Variants in LRMDA observed in about 807,000 individuals in gnomAD.
LRMDA encodes leucine-rich melanocyte differentiation-associated protein.
In LRMDA, 18 loss-of-function variants were observed where a neutral mutation model predicts 29.8. The ratio of observed to expected loss-of-function variants is 0.60; its 90% CI spans 0.42 to 0.90. The LOEUF (loss-of-function observed/expected upper bound fraction) is 0.90. LRMDA is among the 40% of genes least tolerant of loss of function. LRMDA has a pLI of 0.00. For synonymous variants in LRMDA, 125 were observed against 109.4 expected (o/e 1.14, Z -0.89); for missense variants, 273 against 273.9 (o/e 1.00, Z 0.02).
chr10:76,515,526 G>A (rs1421378975), intron 6 of LRMDA, among the ~76,000 whole-genome samples: 1 of 151,630 alleles, frequency 6.6e-6, no homozygotes, highest in Non-Finnish European at 1.5e-5. Flanking sequence ...TTTTTTTTGA[G>A]ACAGGGTTTC....
At chr10:76,125,303 T>C (rs2132129265) in intron 5 of LRMDA, among the ~76,000 whole-genome samples, 1 of 152,302 alleles carries the variant, frequency 6.6e-6, no homozygotes, top group Admixed American at 6.5e-5. Context: ...CGTTCGGCTG[T>C]GTTGTGCATG....
chr10:76,518,401 G>A lies in LRMDA; in HGVS notation c.602-38808G>A, dbSNP rs952194225. On this transcript the variant is annotated intron_variant, in intron 6 of 6. Transcript: ENST00000611255. ...ATTCAAGACAAAAAGTATTACTGGGGACGAAGAGGACCTCATGTAATGATA... is the reference window on the plus strand; with the variant it reads ...ATTCAAGACAAAAAGTATTACTGGGAACGAAGAGGACCTCATGTAATGATA... Among the ~76,000 whole-genome samples the A allele has an allele frequency of 2.0e-5, 3 of 151,976 alleles. No homozygotes were observed. In the South Asian group the frequency reaches 6.2e-4, roughly 31 times the overall value.
intron 5 of LRMDA, among the ~76,000 whole-genome samples, chr10:76,279,208 A>G (rs1164044625): frequency 6.6e-6 from 1 of 152,184 alleles, no homozygotes; most frequent in Non-Finnish European, 1.5e-5. Context: ...AGTTTGACCA[A>G]TTATAGCTGT....
intron 2 of LRMDA, among the ~76,000 whole-genome samples, chr10:75,444,043 G>A (rs1275333749): frequency 6.6e-6 from 1 of 152,178 alleles, no homozygotes; most frequent in African/African-American, 2.4e-5. Flanking sequence ...TCATAAAAGA[G>A]ATAGTTCTGC....
intron 6 of LRMDA, among the ~76,000 whole-genome samples, chr10:76,555,958 G>A (rs978492727): frequency 2.0e-5 from 3 of 152,026 alleles, no homozygotes; most frequent in Non-Finnish European, 4.4e-5. Context: ...TCCGATTAGC[G>A]CTAAGACAAC....
At chr10:76,354,831 A>G (rs549915779) in intron 6 of LRMDA, among the ~76,000 whole-genome samples, 8 of 152,118 alleles carry the variant, frequency 5.3e-5, no homozygotes, top group Admixed American at 2.0e-4. Flanking sequence ...AACATTTCAA[A>G]TCTTCTAGCT....
At chr10:76,220,434 G>T (rs1174611741) in intron 5 of LRMDA, among the ~76,000 whole-genome samples, 2 of 151,620 alleles carry the variant, frequency 1.3e-5, no homozygotes, top group Non-Finnish European at 2.9e-5. Flanking sequence ...ATGATAAAGG[G>T]GATATCACCA....
chr10:75,609,285 C>T (rs1360756224), intron 2 of LRMDA, among the ~76,000 whole-genome samples: 3 of 152,180 alleles, frequency 2.0e-5, no homozygotes, highest in South Asian at 4.1e-4. Flanking sequence ...GACACCCACA[C>T]CCACACTGTT....
At chr10:76,104,426 A>G (rs937257520) in intron 5 of LRMDA, among the ~76,000 whole-genome samples, 2 of 151,984 alleles carry the variant, frequency 1.3e-5, no homozygotes, top group Non-Finnish European at 2.9e-5. Flanking sequence ...TTCCCCTCCC[A>G]TTGCCACCTG....
At chr10:75,838,614 T>C (rs1379334020) in intron 2 of LRMDA, among the ~76,000 whole-genome samples, 1 of 152,186 alleles carries the variant, frequency 6.6e-6, no homozygotes, top group Non-Finnish European at 1.5e-5. Context: ...GAGTTTATGA[T>C]AATGTAAATA....
intron 6 of LRMDA, among the ~76,000 whole-genome samples, chr10:76,495,596 A>G (rs1589215278): frequency 6.6e-6 from 1 of 151,842 alleles, no homozygotes; most frequent in East Asian, 1.9e-4. Flanking sequence ...CAACAATTCC[A>G]CAGTATATTG....
intron 5 of LRMDA, among the ~76,000 whole-genome samples, chr10:76,308,044 T>C (rs115157682): frequency 0.012 from 1,757 of 152,314 alleles, 30 homozygotes; most frequent in African/African-American, 0.04. Context: ...TCAAGAATTC[T>C]TAATTGTGTG....
intron 2 of LRMDA, among the ~76,000 whole-genome samples, chr10:75,778,196 GCCC>G (rs909100598): frequency 6.6e-6 from 1 of 152,014 alleles, no homozygotes; most frequent in Non-Finnish European, 1.5e-5. Context: ...TCCTGCCTCA[GCCC>G]CCTGAGTAGG....
At chr10:75,450,539 A>C (rs1295730325) in intron 2 of LRMDA, 4 of 152,200 alleles carry the variant, frequency 2.6e-5, no homozygotes, top group African/African-American at 9.7e-5. Flanking sequence ...GAGGGAGGGC[A>C]GGAGAGGCGG....
intron 5 of LRMDA, among the ~76,000 whole-genome samples, chr10:76,249,379 G>C (rs1852431898): frequency 6.6e-6 from 1 of 152,136 alleles, no homozygotes; most frequent in Non-Finnish European, 1.5e-5. Flanking sequence ...TTAAATTAAA[G>C]AACCAACTTT....
intron 2 of LRMDA, among the ~76,000 whole-genome samples, chr10:75,716,716 G>A (rs1488531331): frequency 6.6e-6 from 1 of 152,146 alleles, no homozygotes; most frequent in Non-Finnish European, 1.5e-5. Context: ...CTTCTCATGT[G>A]TCTCTTTTGC....
chr10:75,656,547 T>G (rs1841677366), intron 2 of LRMDA, among the ~76,000 whole-genome samples: 1 of 151,984 alleles, frequency 6.6e-6, no homozygotes, highest in African/African-American at 2.4e-5. Context: ...AGTGAGGGAG[T>G]CTTTGCTTGG....
chr10:75,943,712 T>A (rs765501743), intron 2 of LRMDA, among the ~76,000 whole-genome samples: 5 of 152,180 alleles, frequency 3.3e-5, no homozygotes, highest in African/African-American at 4.8e-5. Flanking sequence ...TTTGCTCAGT[T>A]TATTAGCACC....
intron 6 of LRMDA, among the ~76,000 whole-genome samples, chr10:76,447,877 T>G (rs1281392126): frequency 6.6e-6 from 1 of 152,202 alleles, no homozygotes; most frequent in Non-Finnish European, 1.5e-5. Flanking sequence ...TGATGTCTGT[T>G]TCAGTACTTT....
Sources: gnomAD v4.1 joint callset for allele counts (sites outside exome capture counted in the v4.1 genomes callset) on GRCh38, gnomAD v4.1.1 for gene constraint, MANE v1.5 for transcripts, NCBI Gene and HGNC (gene_info 2026-07-23, HGNC 2026-07-21) for gene names.